VPS13D: variants seen among roughly 807,000 people sequenced by gnomAD.
VPS13D encodes vacuolar protein sorting 13 homolog D, also known as intermembrane lipid transfer protein VPS13D.
In VPS13D, 187 loss-of-function variants were observed where a neutral mutation model predicts 461.9. The ratio of observed to expected loss-of-function variants is 0.40; its 90% confidence interval spans 0.36 to 0.46. The LOEUF is 0.46. Among genes scored for constraint, VPS13D ranks in the 20% least tolerant of loss-of-function variants. The pLI is 0.60. For synonymous variants in VPS13D, 1,951 were observed against 1,986.3 expected (o/e 0.98, Z 0.47); for missense variants, 4,711 against 5,364.9 (o/e 0.88, Z 3.81).
chr1:12,273,905 T>C (rs999856181), intron 18 of VPS13D, among the ~76,000 whole-genome samples: 2 of 152,168 alleles, frequency 1.3e-5, no homozygotes, highest in Non-Finnish European at 2.9e-5. Context: ...CTTTTTCTTT[T>C]AAATTTTTTT....
chr1:12,503,075 C>T (rs1646056089), intron 68 of VPS13D, among the ~76,000 whole-genome samples: 1 of 152,184 alleles, frequency 6.6e-6, no homozygotes, highest in Non-Finnish European at 1.5e-5. Context: ...CAGAGGAGGC[C>T]TGAGGCTGCT....
intron 40 of VPS13D, 67 bp from the exon 41 acceptor site, chr1:12,341,713 G>A: frequency 6.8e-7 from 1 of 1,473,038 alleles, no homozygotes; most frequent in Non-Finnish European, 9.4e-7. Context: ...ACTGTCTCCA[G>A]GTTGGGGGAG....
chr1:12,394,555 C>T (rs925050002), intron 60 of VPS13D, among the ~76,000 whole-genome samples: 2 of 152,154 alleles, frequency 1.3e-5, no homozygotes, highest in African/African-American at 4.8e-5. Context: ...ATCTGACATA[C>T]AGAGAAAAGC....
At position 12,342,912 on chromosome 1, in the gene VPS13D, C is replaced by T; in HGVS notation, c.8746C>T (p.His2916Tyr). 6.2e-7 allele frequency: 1 copy of T among 1,612,126 alleles called. No homozygotes were observed. Among genetic ancestry groups the T allele is most frequent in the Non-Finnish European group, 8.5e-7 (1 of 1,178,582 alleles). The change falls in exon 42 of 70, where the codon CAC becomes TAC. Residue 2916 changes from histidine (H) to tyrosine (Y), a missense_variant. His to Tyr is a moderately conservative substitution (Grantham distance 83, BLOSUM62 2). Coordinates refer to ENST00000620676, the MANE Select transcript of VPS13D (RefSeq NM_015378.4). ...ATTTGGTTCCAGAGCTGCACTCTCT[C>T]ACAGTGGGAGTCCAGGGGTAGTTCC... ...TTTPTRAALS[H>Y]SGSPGVVPEG...
chr1:12,321,848 CT>C lies in VPS13D; in HGVS notation c.7591del (p.Ser2531GlnfsTer24). On this transcript the variant is annotated frameshift_variant, in exon 33 of 70. Transcript: ENST00000620676. LOFTEE classifies it high-confidence loss of function. ...ACTAGGGAATGAGCATGATACAGCTCTTTCAATTGTGGATCCCGTACAAATT... is the reference window on the plus strand; with the variant it reads ...ACTAGGGAATGAGCATGATACAGCTCTTCAATTGTGGATCCCGTACAAATT... ...CRLGNEHDTA[L>X]SIVDPVQIQM... 1 of 1,612,156 alleles carries C rather than the reference CT, an allele frequency of 6.2e-7. No individual in the cohort carries two copies. Among genetic ancestry groups the C allele is most frequent in the Non-Finnish European group, 8.5e-7 (1 of 1,179,386 alleles).
At chr1:12,485,610 T>A (rs1645787392) in intron 67 of VPS13D, among the ~76,000 whole-genome samples, 1 of 152,224 alleles carries the variant, frequency 6.6e-6, no homozygotes, top group Non-Finnish European at 1.5e-5. Flanking sequence ...TGCTTATTAT[T>A]TACAGAATGT....
chr1:12,466,485 G>T (rs547182635), intron 67 of VPS13D, among the ~76,000 whole-genome samples: 68 of 152,200 alleles, frequency 4.5e-4, no homozygotes, highest in Non-Finnish European at 9.0e-4. Flanking sequence ...CTGTAAATGG[G>T]TTTTATATTT....
In VPS13D at chr1:12,368,488, T is replaced by C. The variant is rs781097065; in HGVS notation, c.10469T>C (p.Phe3490Ser). The change falls in exon 53 of 70, where the codon TTC (phenylalanine) becomes TCC (serine). Residue 3490 changes from phenylalanine (F) to serine (S), a missense_variant. Phe to Ser is a radical substitution (Grantham distance 155). Coordinates refer to ENST00000620676, the MANE Select transcript of VPS13D (RefSeq NM_015378.4). Reference sequence around the variant, plus strand: ...TGCAGGGATACCTTGGGAAAATGCTTCTTCCTACGAGTGGAAATTACTCTC... The same window carrying C: ...TGCAGGGATACCTTGGGAAAATGCTCCTTCCTACGAGTGGAAATTACTCTC... The part of the protein sequence containing the change: ...INMRDTLGKC[F>S]FLRVEITLRG... 2.5e-6 allele frequency: 4 copies of C among 1,612,722 alleles called. No individual in the cohort carries two copies. Among genetic ancestry groups the C allele is most frequent in the Non-Finnish European group, 3.4e-6 (4 of 1,179,284 alleles).
rs561322030 is a variant in VPS13D at position 12,346,640 on chromosome 1, T to G, written c.9057T>G (p.His3019Gln). 1 of 1,613,264 alleles carries G rather than the reference T, an allele frequency of 6.2e-7. No individual in the cohort carries two copies. Among genetic ancestry groups the G allele is most frequent in the South Asian group, 1.1e-5 (1 of 90,888 alleles). Residue 3019 changes from histidine (H) to glutamine (Q), a missense_variant, in exon 44 of 70, where the codon CAT becomes CAG. This residue lies in a region of VPS13D where 4,411 missense variants were observed against 4,937.8 expected (regional missense o/e 0.89). Transcript: ENST00000620676. ...GSPSSRTNII[H>Q]PQVYFSSLPP... ...CAAGCAGCAGAACAAATATTATACA[T>G]CCCCAGGTTTATGTAAGTATGATTT...
At position 12,495,035 on chromosome 1, in the gene VPS13D, C is replaced by T. The variant is rs186728152; in HGVS notation, c.12663-2465C>T. Among the ~76,000 whole-genome samples, 1 of 152,230 alleles carries T rather than the reference C, an allele frequency of 6.6e-6. No homozygotes were observed. The highest frequency in any genetic ancestry group is 6.5e-5 in the Admixed American group (1 of 15,286). ...GAATGCAGTGAATGAAACAAATTCCCCCTCTCCTGGAGCTTCCAGTCCACA... is the reference window on the plus strand; with the variant it reads ...GAATGCAGTGAATGAAACAAATTCCTCCTCTCCTGGAGCTTCCAGTCCACA... On this transcript the variant is annotated intron_variant, in intron 67 of 69. Transcript: ENST00000620676. The surrounding 1 kb of genome is among the most constrained non-coding windows in gnomAD (Gnocchi z 4.0).
At chr1:12,373,577 C>T (rs891925235) in intron 54 of VPS13D, among the ~76,000 whole-genome samples, 173 bp from the exon 55 acceptor site, 3 of 151,660 alleles carry the variant, frequency 2.0e-5, no homozygotes, top group African/African-American at 7.3e-5. Flanking sequence ...GAAAAAAATG[C>T]AACCCTGATC....
intron 39 of VPS13D, chr1:12,337,058 C>T (rs1242103955): frequency 6.6e-6 from 1 of 151,958 alleles, no homozygotes; most frequent in African/African-American, 2.4e-5. Context: ...CCCTTTCTTC[C>T]TTCCTTTTTA....
intron 24 of VPS13D, among the ~76,000 whole-genome samples, chr1:12,298,237 T>G (rs1353621554): frequency 6.6e-6 from 1 of 152,210 alleles, no homozygotes; most frequent in African/African-American, 2.4e-5. Flanking sequence ...ATAACCAAGC[T>G]ACTAAGTGGC....
intron 65 of VPS13D, among the ~76,000 whole-genome samples, chr1:12,455,145 T>C (rs534028684): frequency 2.6e-4 from 39 of 152,366 alleles, no homozygotes; most frequent in African/African-American, 8.9e-4. Context: ...TGCCACCTCC[T>C]ATGAACGGTG....
intron 41 of VPS13D, 128 bp downstream of exon 41, chr1:12,342,013 C>A: frequency 1.3e-6 from 1 of 762,080 alleles, no homozygotes; most frequent in Non-Finnish European, 2.1e-6. Flanking sequence ...AACTTGCTGT[C>A]TTGCTGAGAT....
At position 12,502,728 on chromosome 1, in the gene VPS13D, T is replaced by C. The variant is rs1646051855; in HGVS notation, c.12795-4125T>C. On this transcript the variant is annotated intron_variant, in intron 68 of 69. Coordinates refer to ENST00000620676, the MANE Select transcript of VPS13D (RefSeq NM_015378.4). This position sits in a 1 kb window ranked among gnomAD's most constrained non-coding sequence, Gnocchi z 4.3. ...ATTTCTCCCTGAGAGAAGCTGGTCATGAGTCTGTTTTCCATGTGGCCTTCT... is the reference window on the plus strand; with the variant it reads ...ATTTCTCCCTGAGAGAAGCTGGTCACGAGTCTGTTTTCCATGTGGCCTTCT... Among the ~76,000 whole-genome samples the C allele has an allele frequency of 6.6e-6, 1 of 151,756 alleles. No individual in the cohort carries two copies. The highest frequency in any genetic ancestry group is 6.6e-5 in the Admixed American group (1 of 15,248).
intron 2 of VPS13D, among the ~76,000 whole-genome samples, chr1:12,237,875 G>C (rs1041111269): frequency 6.6e-6 from 1 of 151,982 alleles, no homozygotes; most frequent in Non-Finnish European, 1.5e-5. Context: ...ATTTATTGAG[G>C]CTGGGCATGG....
intron 17 of VPS13D, among the ~76,000 whole-genome samples, chr1:12,272,392 GGTGTGT>G (rs60615824): frequency 8.7e-4 from 125 of 143,118 alleles, no homozygotes; most frequent in African/African-American, 1.9e-3. Context: ...TTTTTGTTTT[GGTGTGT>G]GTGTGTGTGT....
At chr1:12,312,673 T>G (rs965858224) in intron 29 of VPS13D, among the ~76,000 whole-genome samples, 18 of 152,102 alleles carry the variant, frequency 1.2e-4, no homozygotes, top group African/African-American at 4.3e-4. Context: ...GGTGAGAGAA[T>G]CACTTGAACC....
Sources: gnomAD v4.1 joint callset for allele counts (sites outside exome capture counted in the v4.1 genomes callset) on GRCh38, gnomAD v4.1.1 for gene constraint, gnomAD v4.1.1 regional missense constraint, Gnocchi (gnomAD v3.1) non-coding constraint, MANE v1.5 for transcripts, NCBI Gene and HGNC (gene_info 2026-07-23, HGNC 2026-07-21) for gene names.